Variants in SIPA1L3 observed in about 807,000 individuals in gnomAD.
SIPA1L3 encodes signal-induced proliferation-associated 1-like protein 3.
A neutral mutation model predicts 150.1 loss-of-function variants in SIPA1L3; 59 were observed. The ratio of observed to expected loss-of-function variants is 0.39; its 90% CI spans 0.32 to 0.49. The LOEUF is 0.49. SIPA1L3 is among the 20% of genes least tolerant of loss of function. SIPA1L3 has a pLI of 0.86. For synonymous variants in SIPA1L3, 1,070 were observed against 1,077.6 expected, an observed-to-expected ratio of 0.99 and a Z score of 0.14; for missense variants, 2,211 against 2,489.5, an observed-to-expected ratio of 0.89 and a Z score of 2.38.
intron 2 of SIPA1L3, among the ~76,000 whole-genome samples, chr19:38,072,274 A>G (rs150586721): frequency 2.6e-5 from 4 of 152,386 alleles, no homozygotes; most frequent in Non-Finnish European, 5.9e-5. Flanking sequence ...GGGTTAACAC[A>G]TAGCAATTGA....
intron 2 of SIPA1L3, among the ~76,000 whole-genome samples, chr19:38,068,909 T>C (rs1410621935): frequency 2.0e-5 from 3 of 152,146 alleles, no homozygotes; most frequent in African/African-American, 7.2e-5. Context: ...CTTGATACAG[T>C]TGTTAGAACA....
intron 9 of SIPA1L3, among the ~76,000 whole-genome samples, chr19:38,121,531 G>A (rs898481465): frequency 6.7e-6 from 1 of 150,128 alleles, no homozygotes; most frequent in Non-Finnish European, 1.5e-5. Context: ...ACAAGGTCAG[G>A]AGATTGAGAC....
At chr19:38,056,713 C>G (rs780493995) in intron 2 of SIPA1L3, among the ~76,000 whole-genome samples, 1 of 152,080 alleles carries the variant, frequency 6.6e-6, no homozygotes, top group African/African-American at 2.4e-5. Context: ...TGAATGAAAA[C>G]TTGTTTGGTT....
At chr19:38,060,981 C>T (rs1969434459) in intron 2 of SIPA1L3, among the ~76,000 whole-genome samples, 1 of 152,202 alleles carries the variant, frequency 6.6e-6, no homozygotes, top group South Asian at 2.1e-4. Context: ...CGTGAGCCAC[C>T]TCACCCAGCC....
Position 38,130,747 on chromosome 19 carries a change from C to T in SIPA1L3, c.3118C>T (p.Pro1040Ser). ...CACTGTGAAGGTGGTCATCATCCCG[C>T]CTTTTGAGGACGGCACTCCCCGGAG... ...SVTVKVVIIP[P>S]FEDGTPRRGW... Residue 1040 changes from proline to serine, a missense_variant, in exon 10 of 22, where the codon CCT (proline) becomes TCT (serine). Transcript: ENST00000222345. 1 of 1,609,360 alleles carries T rather than the reference C, an allele frequency of 6.2e-7. No homozygotes were observed.
intron 2 of SIPA1L3, among the ~76,000 whole-genome samples, chr19:38,072,000 C>T (rs1969733109): frequency 1.3e-5 from 2 of 152,168 alleles, no homozygotes. Context: ...CTCAGAAGAG[C>T]AGTGGGAGCT....
chr19:38,127,809 C>T (rs973359989), intron 9 of SIPA1L3, among the ~76,000 whole-genome samples: 5 of 151,960 alleles, frequency 3.3e-5, no homozygotes, highest in African/African-American at 7.3e-5. Context: ...GCACTCAGCC[C>T]GAGTTGCAAC....
intron 15 of SIPA1L3, among the ~76,000 whole-genome samples, chr19:38,180,929 A>G (rs1972541339): frequency 6.6e-6 from 1 of 152,124 alleles, no homozygotes; most frequent in Non-Finnish European, 1.5e-5. Context: ...TTGGATGTGT[A>G]AGGTTTTCAT....
At chr19:37,933,232 G>C (rs144388929) in intron 1 of SIPA1L3, among the ~76,000 whole-genome samples, 4 of 151,642 alleles carry the variant, frequency 2.6e-5, no homozygotes, top group East Asian at 1.9e-4. Flanking sequence ...GCCTCCTGCT[G>C]TTCCTCCCTC....
intron 1 of SIPA1L3, among the ~76,000 whole-genome samples, chr19:38,014,631 C>T (rs1297520225): frequency 6.9e-6 from 1 of 145,742 alleles, no homozygotes; most frequent in Non-Finnish European, 1.5e-5. Flanking sequence ...TAGCTCACTT[C>T]AGCTTCAACC....
intron 19 of SIPA1L3, 152 bp from the exon 20 acceptor site, chr19:38,201,710 T>G (rs1409662711): frequency 8.7e-6 from 7 of 804,176 alleles, no homozygotes; most frequent in Non-Finnish European, 1.3e-5. Flanking sequence ...TTTGGTTGGT[T>G]TTTTGGCAAG....
chr19:38,060,212 AC>A, intron 2 of SIPA1L3, among the ~76,000 whole-genome samples: 1 of 152,180 alleles, frequency 6.6e-6, no homozygotes, highest in Non-Finnish European at 1.5e-5. Flanking sequence ...TTATATAAAA[AC>A]AGTTGTGAAC....
At chr19:37,961,511 CCTT>C (rs2046858010) in intron 1 of SIPA1L3, among the ~76,000 whole-genome samples, 1 of 152,082 alleles carries the variant, frequency 6.6e-6, no homozygotes, top group African/African-American at 2.4e-5. Flanking sequence ...AAGCTTTTCT[CCTT>C]GTCTTTGTCT....
intron 1 of SIPA1L3, among the ~76,000 whole-genome samples, chr19:37,909,686 C>G (rs1023095040): frequency 2.6e-5 from 4 of 152,146 alleles, no homozygotes; most frequent in African/African-American, 9.7e-5. Flanking sequence ...TAAAGATCGG[C>G]TGAGTTGTTA....
intron 1 of SIPA1L3, among the ~76,000 whole-genome samples, chr19:37,921,341 A>G (rs1823051): frequency 0.82 from 125,094 of 152,118 alleles, 51,998 homozygotes; most frequent in African/African-American, 0.93. Flanking sequence ...GAAAAGAGGG[A>G]AACGTTTGGG....
intron 15 of SIPA1L3, among the ~76,000 whole-genome samples, chr19:38,177,516 G>A (rs1301790064): frequency 6.6e-6 from 1 of 151,934 alleles, no homozygotes; most frequent in East Asian, 1.9e-4. Flanking sequence ...CCCACAAAAA[G>A]GGGGAAAAAA....
At chr19:37,963,852 C>G (rs888263324) in intron 1 of SIPA1L3, 4 of 152,140 alleles carry the variant, frequency 2.6e-5, no homozygotes, top group Non-Finnish European at 5.9e-5. Flanking sequence ...AGAAGTCTTT[C>G]CAAATTTCCA....
At chr19:38,093,636 C>G (rs974182368) in intron 4 of SIPA1L3, among the ~76,000 whole-genome samples, 3 of 150,712 alleles carry the variant, frequency 2.0e-5, no homozygotes, top group African/African-American at 4.8e-5. Context: ...CACACACACA[C>G]ATGCCTTGGG....
rs1355110527 is a variant in SIPA1L3, at chr19:37,922,929, C to T, written c.-379+15571C>T. 9.3e-5 allele frequency among the ~76,000 whole-genome samples: 14 copies of T among 150,398 alleles called. No homozygotes were observed. In the East Asian group the frequency reaches 2.8e-3, roughly 30 times the overall value. ...GGATCATGAGGTCAGGAGATCGAGA[C>T]CATCCTGGCTAATACGGTGAAACCC... On this transcript the variant is annotated intron_variant, in intron 1 of 21. Coordinates refer to ENST00000222345, the MANE Select transcript of SIPA1L3 (RefSeq NM_015073.3).
Sources: gnomAD v4.1 joint callset for allele counts (sites outside exome capture counted in the v4.1 genomes callset) on GRCh38, gnomAD v4.1.1 for gene constraint, MANE v1.5 for transcripts, NCBI Gene and HGNC (gene_info 2026-07-23, HGNC 2026-07-21) for gene names.